The following EFHC2 variants were observed in gnomAD, a reference collection of about 807,000 sequenced individuals.
The protein encoded by EFHC2 is EF-hand domain containing 2.
Under a neutral mutation model 52.7 loss-of-function variants are expected in EFHC2, and 18 were observed. The observed-to-expected ratio is 0.34, with a 90% CI of 0.24 to 0.51. The LOEUF (loss-of-function observed/expected upper bound fraction) is 0.51, where lower values mean the gene tolerates loss of function less well. Among genes scored for constraint, EFHC2 ranks in the 20% least tolerant of loss-of-function variants. EFHC2 has a pLI of 0.97. For missense variants in EFHC2, 513 were observed against 562.5 expected, an observed-to-expected ratio of 0.91 and a Z score of 0.89; for synonymous variants, 203 against 204.1, an observed-to-expected ratio of 0.99 and a Z score of 0.04.
chrX:44,237,966 C>T lies in EFHC2; in HGVS notation c.1281-2519G>A, dbSNP rs773774497. Among the ~76,000 whole-genome samples the T allele has an allele frequency of 3.6e-5, 4 of 111,658 alleles. No individual in the cohort carries two copies. The South Asian group carries it at 1.5e-3, about 43-fold the overall frequency. On this transcript the variant is annotated intron_variant, in intron 8 of 14. Transcript: ENST00000420999. Reference sequence around the variant, plus strand: ...CAATTTGGTATCATGGCTTTAAATACCATCTACATGCTGATGGCATCCACA... The same window carrying T: ...CAATTTGGTATCATGGCTTTAAATATCATCTACATGCTGATGGCATCCACA...
At chrX:44,335,675 A>T (rs975165086) in intron 1 of EFHC2, among the ~76,000 whole-genome samples, 1 of 112,264 alleles carries the variant, frequency 8.9e-6, no homozygotes, top group African/African-American at 3.2e-5. Flanking sequence ...CTTATGAAGC[A>T]AGATTACATG....
At chrX:44,261,322 C>T in intron 3 of EFHC2, 24 bp from the exon 4 acceptor site, 3 of 1,131,685 alleles carry the variant, frequency 2.7e-6, no homozygotes, top group South Asian at 2.1e-5. Flanking sequence ...GAAAATACAA[C>T]TGTTTTATCA....
At chrX:44,218,555 T>A (rs2037169110) in intron 11 of EFHC2, among the ~76,000 whole-genome samples, 1 of 112,391 alleles carries the variant, frequency 8.9e-6, no homozygotes, top group Non-Finnish European at 1.9e-5. Flanking sequence ...CCTTGATCCC[T>A]ACTTCACACC....
chrX:44,212,685 T>C (rs1177455946), intron 11 of EFHC2, among the ~76,000 whole-genome samples: 2 of 111,108 alleles, frequency 1.8e-5, no homozygotes, highest in Non-Finnish European at 3.8e-5. Context: ...ACTAAAGGCC[T>C]ACTTGCCACA....
chrX:44,265,061 C>T (rs919949852), intron 3 of EFHC2, among the ~76,000 whole-genome samples: 3 of 111,777 alleles, frequency 2.7e-5, no homozygotes, highest in African/African-American at 9.8e-5. Context: ...TGTAAAAGCC[C>T]TGCTATCTGG....
At chrX:44,249,238 C>A (rs1345722816) in intron 5 of EFHC2, among the ~76,000 whole-genome samples, 1 of 111,339 alleles carries the variant, frequency 9.0e-6, no homozygotes, top group African/African-American at 3.3e-5. Context: ...GCAGTGGGCT[C>A]AGAGAATCTG....
intron 2 of EFHC2, among the ~76,000 whole-genome samples, chrX:44,303,039 G>A (rs766136182): frequency 2.7e-5 from 3 of 111,159 alleles, no homozygotes; most frequent in South Asian, 3.8e-4. Context: ...TAATCCTACC[G>A]CAGGAAAATT....
chrX:44,156,423 G>C (rs959431735), intron 14 of EFHC2, among the ~76,000 whole-genome samples: 1 of 112,524 alleles, frequency 8.9e-6, no homozygotes, highest in Non-Finnish European at 1.9e-5. Flanking sequence ...TCAGCTTCCT[G>C]TCTATAAATT....
At chrX:44,202,349 C>G (rs1315008726) in intron 11 of EFHC2, among the ~76,000 whole-genome samples, 2 of 111,011 alleles carry the variant, frequency 1.8e-5, no homozygotes, top group Non-Finnish European at 3.8e-5. Flanking sequence ...GTGGCGGAGG[C>G]TGTAGTGAGC....
chrX:44,172,253 A>G (rs929344446), intron 13 of EFHC2, among the ~76,000 whole-genome samples: 1 of 112,036 alleles, frequency 8.9e-6, no homozygotes, highest in African/African-American at 3.2e-5. Context: ...TTCCAAGTCT[A>G]GATTCAGAAG....
chrX:44,243,391 T>C (rs1472722249), intron 7 of EFHC2, among the ~76,000 whole-genome samples: 1 of 112,280 alleles, frequency 8.9e-6, no homozygotes, highest in Non-Finnish European at 1.9e-5. Flanking sequence ...CTGTCAAAGT[T>C]CCCATAGAGG....
chrX:44,192,556 T>G lies in EFHC2; in HGVS notation c.1752-13992A>C, dbSNP rs182813766. Among the ~76,000 whole-genome samples the G allele has an allele frequency of 5.6e-4, 63 of 112,283 alleles. 1 individual carries two copies. The East Asian group carries it at 0.013, about 24-fold the overall frequency. On this transcript the variant is annotated intron_variant, in intron 11 of 14. Transcript: ENST00000420999. Reference sequence around the variant, plus strand: ...GAATTCTCTCAATTTACAAATACTTTACTTAGCTTAGAAAATGATTTTTTT... The same window carrying G: ...GAATTCTCTCAATTTACAAATACTTGACTTAGCTTAGAAAATGATTTTTTT...
chrX:44,262,531 AAAAAG>A (rs1556015629), intron 3 of EFHC2, among the ~76,000 whole-genome samples: 3 of 93,676 alleles, frequency 3.2e-5, no homozygotes, highest in African/African-American at 8.8e-5. Flanking sequence ...AAAAAAAAAA[AAAAAG>A]AAAAGAAAAG....
At chrX:44,276,702 TC>T (rs2037660613) in intron 2 of EFHC2, among the ~76,000 whole-genome samples, 1 of 112,087 alleles carries the variant, frequency 8.9e-6, no homozygotes, top group Admixed American at 9.5e-5. Context: ...GCATTGCATA[TC>T]CCAAACAGCT....
intron 1 of EFHC2, among the ~76,000 whole-genome samples, chrX:44,327,825 T>A (rs1386338684): frequency 8.9e-6 from 1 of 112,047 alleles, no homozygotes. Context: ...ATCTCAAACA[T>A]TTTTTAAGCT....
intron 11 of EFHC2, among the ~76,000 whole-genome samples, chrX:44,216,989 C>G (rs1443421408): frequency 9.0e-6 from 1 of 111,433 alleles, no homozygotes; most frequent in South Asian, 3.7e-4. Flanking sequence ...GATTAATAAC[C>G]AGAATATATA....
Position 44,272,747 on chromosome X carries a change from G to A in EFHC2, c.321C>T (p.Tyr107=), listed in dbSNP as rs181464684. Residue 107 remains tyrosine (Y), a synonymous_variant, in exon 3 of 15, where the codon TAC becomes TAT. Transcript: ENST00000420999. ...TTACTTGAATTGTGTCATCTTCAGGGTAGAAGTAGATTTTATAGTATCTTA... is the reference window on the plus strand; with the variant it reads ...TTACTTGAATTGTGTCATCTTCAGGATAGAAGTAGATTTTATAGTATCTTA... The part of the protein sequence containing the change: ...YRIRYYKIYF[Y]PEDDTIQVNE... 2.6e-6 allele frequency: 3 copies of A among 1,166,987 alleles called. No individual in the cohort carries two copies. Among genetic ancestry groups the A allele is most frequent in the Admixed American group, 5.1e-5 (2 of 38,880 alleles).
At chrX:44,215,153 C>T (rs191651156) in intron 11 of EFHC2, among the ~76,000 whole-genome samples, 3 of 111,452 alleles carry the variant, frequency 2.7e-5, no homozygotes, top group African/African-American at 9.8e-5. Flanking sequence ...GTTCACCTTC[C>T]GCCATGACTG....
chrX:44,231,389 G>T (rs2037275481), intron 10 of EFHC2, among the ~76,000 whole-genome samples: 1 of 111,698 alleles, frequency 9.0e-6, no homozygotes, highest in Admixed American at 9.5e-5. Context: ...GTGCTCTGGG[G>T]CTCCCCATCA....
Sources: allele counts gnomAD v4.1 joint callset (sites outside exome capture counted in the v4.1 genomes callset), GRCh38; gene constraint gnomAD v4.1.1; transcripts MANE v1.5; gene names NCBI Gene and HGNC (gene_info 2026-07-23, HGNC 2026-07-21).